DNM3: variants seen among roughly 807,000 people sequenced by gnomAD.
DNM3 encodes the protein dynamin 3, also known as dynamin-3.
A neutral mutation model predicts 101.6 loss-of-function variants in DNM3; 47 were observed. The observed-to-expected ratio is 0.46, with a 90% confidence interval of 0.37 to 0.59. The LOEUF (loss-of-function observed/expected upper bound fraction) is 0.59, where lower values mean the gene tolerates loss of function less well. Among genes scored for constraint, DNM3 ranks in the 20% least tolerant of loss-of-function variants. DNM3 has a pLI of 0.00. For synonymous variants in DNM3, 385 were observed against 387.9 expected, an observed-to-expected ratio of 0.99 and a Z score of 0.09; for missense variants, 849 against 1,085.7, an observed-to-expected ratio of 0.78 and a Z score of 3.06.
At chr1:172,091,828 G>A (rs1339850777) in intron 12 of DNM3, among the ~76,000 whole-genome samples, 1 of 152,216 alleles carries the variant, frequency 6.6e-6, no homozygotes, top group Non-Finnish European at 1.5e-5. Context: ...GACAAGTGTG[G>A]AAGCAGAGAC....
At chr1:172,095,155 C>G (rs2054162468) in intron 13 of DNM3, among the ~76,000 whole-genome samples, 1 of 152,192 alleles carries the variant, frequency 6.6e-6, no homozygotes, top group Non-Finnish European at 1.5e-5. Context: ...TGGGGCCAGA[C>G]ATGCCTTGAA....
At chr1:172,147,096 T>C (rs1443474410) in intron 14 of DNM3, among the ~76,000 whole-genome samples, 3 of 152,142 alleles carry the variant, frequency 2.0e-5, no homozygotes, top group Non-Finnish European at 4.4e-5. Flanking sequence ...GTGGGTGCTC[T>C]TGCCTCCAAA....
At chr1:172,038,178 C>A in intron 6 of DNM3, 141 bp from the exon 7 acceptor site, 1 of 1,064,868 alleles carries the variant, frequency 9.4e-7, no homozygotes, top group Non-Finnish European at 1.4e-6. Flanking sequence ...ACATAATAGT[C>A]AATGTCAAAT....
intron 2 of DNM3, among the ~76,000 whole-genome samples, chr1:171,956,337 G>T (rs555318818): frequency 1.6e-4 from 24 of 152,312 alleles, no homozygotes; most frequent in African/African-American, 5.1e-4. Flanking sequence ...CCAAATGGGA[G>T]AAATTGACCA....
At chr1:171,873,260 C>T (rs765240602) in intron 1 of DNM3, among the ~76,000 whole-genome samples, 1 of 152,052 alleles carries the variant, frequency 6.6e-6, no homozygotes, top group Non-Finnish European at 1.5e-5. Context: ...TTGAAGGGTA[C>T]AGCATGGTGC....
intron 14 of DNM3, among the ~76,000 whole-genome samples, chr1:172,234,156 C>T (rs2061445399): frequency 6.6e-6 from 1 of 152,046 alleles, no homozygotes; most frequent in South Asian, 2.1e-4. Context: ...TGTCTCAGCC[C>T]AAAATCTCCT....
At chr1:172,249,061 GC>G (rs2062066709) in intron 14 of DNM3, among the ~76,000 whole-genome samples, 1 of 152,138 alleles carries the variant, frequency 6.6e-6, no homozygotes. Context: ...TGTATAAATT[GC>G]CACGTGAATA....
At chr1:172,085,835 G>A (rs1223818904) in intron 12 of DNM3, among the ~76,000 whole-genome samples, 1 of 152,060 alleles carries the variant, frequency 6.6e-6, no homozygotes, top group Non-Finnish European at 1.5e-5. Context: ...TTTCCCTAAT[G>A]CATAATTATA....
intron 2 of DNM3, among the ~76,000 whole-genome samples, chr1:171,932,753 A>G (rs573927529): frequency 1.3e-5 from 2 of 152,328 alleles, no homozygotes; most frequent in African/African-American, 4.8e-5. Flanking sequence ...TATTTTAGTT[A>G]TACAGCCATT....
intron 12 of DNM3, among the ~76,000 whole-genome samples, chr1:172,089,571 A>G (rs1215982232): frequency 6.6e-6 from 1 of 152,228 alleles, no homozygotes; most frequent in African/African-American, 2.4e-5. Context: ...CTTTTGAAGT[A>G]ACTTCAAGTA....
intron 4 of DNM3, among the ~76,000 whole-genome samples, chr1:171,991,793 T>C (rs1236293310): frequency 6.6e-6 from 1 of 152,206 alleles, no homozygotes; most frequent in Non-Finnish European, 1.5e-5. Flanking sequence ...AAAAAGATAC[T>C]TATCACTTTG....
At chr1:171,894,583 T>C (rs553298936) in intron 1 of DNM3, among the ~76,000 whole-genome samples, 2 of 152,144 alleles carry the variant, frequency 1.3e-5, no homozygotes, top group South Asian at 4.2e-4. Context: ...TTGTTTGTAT[T>C]GATTGATTAA....
intron 14 of DNM3, among the ~76,000 whole-genome samples, chr1:172,250,787 G>A (rs1241069699): frequency 6.6e-6 from 1 of 152,090 alleles, no homozygotes; most frequent in Non-Finnish European, 1.5e-5. Flanking sequence ...AGGGAGGTCA[G>A]AAGGAAAAAC....
In DNM3 at chr1:172,412,475, A is replaced by G; in HGVS notation, c.*4634A>G. 1.0e-5 allele frequency: 10 copies of G among 985,750 alleles called. No homozygotes were observed. The highest frequency in any genetic ancestry group is 1.2e-5 in the Non-Finnish European group (10 of 829,918). The allele number at this position is 985,750 out of a possible 1,614,324, so 61.1% of individuals were successfully genotyped here. ...CAAATTTTTCTTTTGCTTTGTTTGA[A>G]GAAGGAATATACAGAAGTAAAATCT... On this transcript the variant is annotated 3_prime_UTR_variant, in exon 21 of 21. Coordinates refer to ENST00000627582, the MANE Select transcript of DNM3 (RefSeq NM_015569.5).
At chr1:172,254,541 G>A (rs570583681) in intron 15 of DNM3, among the ~76,000 whole-genome samples, 76 of 152,234 alleles carry the variant, frequency 5.0e-4, no homozygotes, top group African/African-American at 1.5e-3. Flanking sequence ...ATAAGAAAGC[G>A]TAGGCTCAGG....
At chr1:172,148,442 C>T (rs532903922) in intron 14 of DNM3, among the ~76,000 whole-genome samples, 1 of 151,944 alleles carries the variant, frequency 6.6e-6, no homozygotes, top group East Asian at 1.9e-4. Context: ...TTAAAAAAAT[C>T]ATAAATAAAA....
At chr1:172,293,348 T>C (rs965543994) in intron 15 of DNM3, among the ~76,000 whole-genome samples, 2 of 152,216 alleles carry the variant, frequency 1.3e-5, no homozygotes, top group African/African-American at 4.8e-5. Flanking sequence ...GAGGTCCTGT[T>C]CTCTTTAGTG....
At chr1:172,417,981 C>T (rs1350829949) in intron 20 of DNM3, among the ~76,000 whole-genome samples, 1 of 152,148 alleles carries the variant, frequency 6.6e-6, no homozygotes, top group Non-Finnish European at 1.5e-5. Flanking sequence ...AATAAGAGTG[C>T]ATGGATTTAT....
At position 172,198,254 on chromosome 1, in the gene DNM3, C is replaced by T. The variant is rs551272579; in HGVS notation, c.1660-55319C>T. Among the ~76,000 whole-genome samples, 12 of 152,154 alleles carry T rather than the reference C, an allele frequency of 7.9e-5. No homozygotes were observed. The South Asian group carries it at 8.3e-4, about 11-fold the overall frequency. ...CTTATATTGAACCTACCTTGCATCC[C>T]GAGGATGAAGCCTACTTGATCATGC... On this transcript the variant is annotated intron_variant, in intron 14 of 20. Coordinates refer to ENST00000627582, the MANE Select transcript of DNM3 (RefSeq NM_015569.5).
Sources: gnomAD v4.1 joint callset for allele counts (sites outside exome capture counted in the v4.1 genomes callset) on GRCh38, gnomAD v4.1.1 for gene constraint, MANE v1.5 for transcripts, NCBI Gene and HGNC (gene_info 2026-07-23, HGNC 2026-07-21) for gene names.